The following NPSR1 variants were observed in gnomAD, a reference collection of about 807,000 sequenced individuals.
NPSR1 encodes the protein neuropeptide S receptor.
Under a neutral mutation model 46.9 loss-of-function variants are expected in NPSR1, and 48 were observed. That is an observed-to-expected ratio of 1.02 (90% CI 0.81 to 1.30). The LOEUF is 1.30. Ranked by LOEUF, NPSR1 falls within the 50% of genes most tolerant of loss-of-function variation. The pLI is 0.00. For synonymous variants in NPSR1, 176 were observed against 168.1 expected (o/e 1.05, Z -0.36); for missense variants, 450 against 449.5 (o/e 1.00, Z -0.01).
chr7:34,710,241 G>A (rs1783208589), intron 2 of NPSR1, among the ~76,000 whole-genome samples: 1 of 152,218 alleles, frequency 6.6e-6, no homozygotes, highest in Non-Finnish European at 1.5e-5. Flanking sequence ...GGGTAGGTTT[G>A]TAGAGGATGA....
At position 34,849,704 on chromosome 7, in the gene NPSR1, G is replaced by A. The variant is rs763156399; in HGVS notation, c.*49G>A. On this transcript the variant is annotated 3_prime_UTR_variant, in exon 9 of 9. Coordinates refer to ENST00000360581, the MANE Select transcript of NPSR1 (RefSeq NM_207172.2). ...GGCTGAGCACCATCAGCTCTCCCAG[G>A]TCCTTGTCACCTGCTTGGGCACGTG... The A allele has an allele frequency of 1.9e-6, 3 of 1,603,588 alleles. No homozygotes were observed. The highest frequency in any genetic ancestry group is 2.6e-6 in the Non-Finnish European group (3 of 1,174,660).
chr7:34,867,841 A>T (rs1270269714), intron 8 of NPSR1, among the ~76,000 whole-genome samples: 1 of 151,870 alleles, frequency 6.6e-6, no homozygotes, highest in African/African-American at 2.4e-5. Flanking sequence ...TTCCAAGCTC[A>T]CCTATGGAAA....
Position 34,842,273 on chromosome 7 carries a change from C to T in NPSR1, c.758-2623C>T, listed in dbSNP as rs144325987. The stretch of plus-strand genomic sequence containing the variant: ...ACAAAGTTTTAGTAATTGGTAGAGA[C>T]GGAGGATGCATTCCAGTCTGATCTT... On this transcript the variant is annotated intron_variant, in intron 6 of 8. Coordinates refer to ENST00000360581, the MANE Select transcript of NPSR1 (RefSeq NM_207172.2). 5.4e-3 allele frequency among the ~76,000 whole-genome samples: 816 copies of T among 152,286 alleles called. 4 individuals are homozygous for T. The highest frequency in any genetic ancestry group is 0.034 in the Middle Eastern group (10 of 294).
intron 2 of NPSR1, among the ~76,000 whole-genome samples, chr7:34,724,450 G>A (rs1305694886): frequency 6.6e-6 from 1 of 152,198 alleles, no homozygotes; most frequent in African/African-American, 2.4e-5. Flanking sequence ...GATAAAGTGT[G>A]AAACATTTGT....
At chr7:34,845,608 C>A (rs991926616) in intron 7 of NPSR1, 11 of 455,716 alleles carry the variant, frequency 2.4e-5, no homozygotes, top group African/African-American at 2.0e-4. Flanking sequence ...TTTTAAATAT[C>A]CTTTTTCTAG....
intron 2 of NPSR1, among the ~76,000 whole-genome samples, chr7:34,695,621 C>A (rs887243925): frequency 2.0e-5 from 3 of 151,920 alleles, no homozygotes; most frequent in African/African-American, 4.8e-5. Context: ...GAACAAACAA[C>A]CCCATTAAAA....
chr7:34,738,781 C>T (rs59783155), intron 2 of NPSR1, among the ~76,000 whole-genome samples: 1,566 of 151,894 alleles, frequency 0.01, 26 homozygotes, highest in African/African-American at 0.036. Context: ...TCAAATTAAC[C>T]AAGTGTACAA....
At chr7:34,781,384 C>T (rs1787222083) in intron 3 of NPSR1, among the ~76,000 whole-genome samples, 1 of 151,978 alleles carries the variant, frequency 6.6e-6, no homozygotes, top group Non-Finnish European at 1.5e-5. Flanking sequence ...ACTCAAGGGC[C>T]CATTAAAGAA....
At chr7:34,736,712 C>T (rs1015066305) in intron 2 of NPSR1, among the ~76,000 whole-genome samples, 4 of 152,012 alleles carry the variant, frequency 2.6e-5, no homozygotes, top group Non-Finnish European at 2.9e-5. Context: ...GTGATCCTCC[C>T]GCCTCAGCCT....
At chr7:34,725,155 A>G (rs1784078647) in intron 2 of NPSR1, among the ~76,000 whole-genome samples, 3 of 151,892 alleles carry the variant, frequency 2.0e-5, no homozygotes, top group Admixed American at 2.0e-4. Flanking sequence ...ACACACACAG[A>G]GCTCTCAGAA....
intron 3 of NPSR1, among the ~76,000 whole-genome samples, chr7:34,781,255 A>G (rs867750811): frequency 6.6e-6 from 1 of 152,162 alleles, no homozygotes; most frequent in African/African-American, 2.4e-5. Context: ...AATAGTTTCT[A>G]GAATGTAAGA....
chr7:34,809,110 G>A (rs1321027856), intron 3 of NPSR1, among the ~76,000 whole-genome samples: 2 of 152,024 alleles, frequency 1.3e-5, no homozygotes, highest in African/African-American at 2.4e-5. Flanking sequence ...ACAGGGTTCT[G>A]CCATTGTGTG....
intron 2 of NPSR1, chr7:34,685,633 C>T (rs1792886770): frequency 2.7e-6 from 1 of 377,346 alleles, no homozygotes; most frequent in Non-Finnish European, 5.1e-6. Flanking sequence ...TAGTGGAGCT[C>T]TTTAGAATTT....
intron 3 of NPSR1, among the ~76,000 whole-genome samples, chr7:34,798,493 C>T (rs948962199): frequency 6.6e-6 from 1 of 152,104 alleles, no homozygotes; most frequent in Non-Finnish European, 1.5e-5. Flanking sequence ...CAAGATTGTA[C>T]CACTACACTC....
intron 2 of NPSR1, chr7:34,751,719 C>CTTCGGGTCCCCCTGACTGT (rs1785545134): frequency 6.3e-7 from 1 of 1,583,724 alleles, no homozygotes; most frequent in South Asian, 1.1e-5. Context: ...TGGGAGACTC[C>CTTCGGGTCCCCCTGACTGT]TTCGGGTCCC....
chr7:34,861,463 C>T (rs1317855466), intron 8 of NPSR1, among the ~76,000 whole-genome samples: 1 of 151,618 alleles, frequency 6.6e-6, no homozygotes, highest in Admixed American at 6.6e-5. Flanking sequence ...TCTGGATGCC[C>T]GACTATCTGG....
intron 2 of NPSR1, among the ~76,000 whole-genome samples, chr7:34,742,171 C>CT (rs61342932): frequency 0.16 from 23,531 of 145,778 alleles, 2,100 homozygotes; most frequent in East Asian, 0.33. Flanking sequence ...AATCTCTCTC[C>CT]TTTTTTTTTT....
At chr7:34,840,889 G>A (rs866259332) in intron 6 of NPSR1, among the ~76,000 whole-genome samples, 66 of 152,094 alleles carry the variant, frequency 4.3e-4, no homozygotes, top group African/African-American at 1.5e-3. Flanking sequence ...AAACTAGAGG[G>A]ACAAAGACAC....
chr7:34,848,618 C>T lies in NPSR1; in HGVS notation c.980C>T (p.Pro327Leu). 2 of 1,614,174 alleles carry T rather than the reference C, an allele frequency of 1.2e-6. No homozygotes were observed. Among genetic ancestry groups the T allele is most frequent in the Non-Finnish European group, 1.7e-6 (2 of 1,180,032 alleles). The change falls in exon 8 of 9, where the codon CCC (proline) becomes CTC (leucine). Residue 327 changes from proline (P) to leucine (L), a missense_variant. Physicochemically the swap from Pro to Leu is moderately conservative, Grantham distance 98. Transcript: ENST00000360581. ...NLPALNSAIN[P>L]LIYCVFSSSI... ...CCAGCATTGAATAGTGCCATCAACC[C>T]CCTCATCTACTGTGTCTTCAGCAGC...
Sources: allele counts gnomAD v4.1 joint callset (sites outside exome capture counted in the v4.1 genomes callset), GRCh38; gene constraint gnomAD v4.1.1; transcripts MANE v1.5; gene names NCBI Gene and HGNC (gene_info 2026-07-23, HGNC 2026-07-21).